SLC2A13: variants seen among roughly 807,000 people sequenced by gnomAD.
SLC2A13 encodes the protein proton myo-inositol cotransporter.
A neutral mutation model predicts 64.4 loss-of-function variants in SLC2A13; 32 were observed. That is an observed-to-expected ratio of 0.50 (90% CI 0.37 to 0.67). The LOEUF (loss-of-function observed/expected upper bound fraction) is 0.67. SLC2A13 is among the 30% of genes least tolerant of loss of function. The probability of loss-of-function intolerance (pLI) is 0.00; values close to 1 mark genes in which losing one functional copy is unlikely to be tolerated. For synonymous variants in SLC2A13, 338 were observed against 327.1 expected (o/e 1.03, Z -0.36); for missense variants, 743 against 829.2 (o/e 0.90, Z 1.28).
At chr12:39,857,185 C>G (rs1943631439) in intron 6 of SLC2A13, among the ~76,000 whole-genome samples, 1 of 152,174 alleles carries the variant, frequency 6.6e-6, no homozygotes, top group Admixed American at 6.5e-5. Context: ...ACCTCAGAAA[C>G]ACCTTTCTCA....
intron 1 of SLC2A13, among the ~76,000 whole-genome samples, chr12:40,100,403 A>C (rs959369477): frequency 4.6e-5 from 7 of 152,216 alleles, no homozygotes; most frequent in Non-Finnish European, 8.8e-5. Context: ...ACCAGGGAGA[A>C]AGGGCTAATG....
intron 2 of SLC2A13, among the ~76,000 whole-genome samples, chr12:40,037,785 A>G (rs11174854): frequency 0.031 from 4,657 of 152,288 alleles, 100 homozygotes; most frequent in Non-Finnish European, 0.048. Flanking sequence ...GCAAATGACC[A>G]TCCCATCTAA....
intron 1 of SLC2A13, among the ~76,000 whole-genome samples, chr12:40,098,475 TATAA>T (rs1256497863): frequency 6.6e-6 from 1 of 152,172 alleles, no homozygotes; most frequent in Non-Finnish European, 1.5e-5. Context: ...GGGTTAAGAG[TATAA>T]ATGTTATGTG....
At chr12:39,850,381 G>A (rs1424301021) in intron 6 of SLC2A13, among the ~76,000 whole-genome samples, 1 of 152,172 alleles carries the variant, frequency 6.6e-6, no homozygotes, top group African/African-American at 2.4e-5. Flanking sequence ...TTGCTCTGCA[G>A]TTGAACTGAG....
At chr12:39,775,075 A>G (rs1592125020) in intron 7 of SLC2A13, among the ~76,000 whole-genome samples, 4 of 152,222 alleles carry the variant, frequency 2.6e-5, no homozygotes, top group African/African-American at 9.6e-5. Context: ...AACCACTTAA[A>G]TGGGAAATTA....
In SLC2A13 at chr12:39,959,368, T is replaced by C. The variant is rs78089902; in HGVS notation, c.926-8003A>G. ...TTCCAAAATCCTCCAAGGCAATCAA[T>C]TTGCCAAGATGTTGTGATGGGCCAG... On this transcript the variant is annotated intron_variant, in intron 3 of 9. Coordinates refer to ENST00000280871, the MANE Select transcript of SLC2A13 (RefSeq NM_052885.4). Among the ~76,000 whole-genome samples the C allele has an allele frequency of 1.7e-3, 260 of 152,368 alleles. 3 individuals are homozygous for C. The East Asian group carries it at 0.035, about 20-fold the overall frequency.
chr12:40,050,823 T>A (rs1414846094), intron 1 of SLC2A13, among the ~76,000 whole-genome samples: 2 of 152,194 alleles, frequency 1.3e-5, no homozygotes, highest in African/African-American at 4.8e-5. Flanking sequence ...ATCAGCTGGT[T>A]AAGTTTGGAC....
chr12:39,888,039 C>G (rs1194536034), intron 4 of SLC2A13, among the ~76,000 whole-genome samples: 3 of 152,150 alleles, frequency 2.0e-5, no homozygotes, highest in African/African-American at 4.8e-5. Flanking sequence ...TTAGACTGAT[C>G]TGGCAGATAT....
chr12:40,009,371 A>G (rs1947481683), intron 3 of SLC2A13, among the ~76,000 whole-genome samples: 1 of 152,206 alleles, frequency 6.6e-6, no homozygotes, highest in South Asian at 2.1e-4. Context: ...AAACTGTTAG[A>G]TAATATCTAT....
At position 39,864,772 on chromosome 12, in the gene SLC2A13, T is replaced by C. The variant is rs759666478; in HGVS notation, c.1309A>G (p.Thr437Ala). Residue 437 changes from threonine to alanine, a missense_variant, in exon 6 of 10, where the codon ACA becomes GCA. Thr to Ala is a moderately conservative substitution (Grantham distance 58). Around this residue, in one of 2 missense-constraint regions of SLC2A13, gnomAD observed 295 missense variants for 381.7 expected, o/e 0.77. Coordinates refer to ENST00000280871, the MANE Select transcript of SLC2A13 (RefSeq NM_052885.4). ...ATAATGGAATCTCACCTGTATCTTG[T>C]GCAAGTGGCGTTCTGACCTGACGGA... The part of the protein sequence containing the change: ...IAPSGQNATC[T>A]RYSYCNECML... 5 of 1,613,996 alleles carry C rather than the reference T, an allele frequency of 3.1e-6. No individual in the cohort carries two copies. The highest frequency in any genetic ancestry group is 4.2e-6 in the Non-Finnish European group (5 of 1,179,934).
At chr12:40,064,995 GT>G (rs1159859956) in intron 1 of SLC2A13, among the ~76,000 whole-genome samples, 1 of 152,036 alleles carries the variant, frequency 6.6e-6, no homozygotes, top group Non-Finnish European at 1.5e-5. Flanking sequence ...AACAATCCCA[GT>G]TTTTTTATTT....
Position 39,759,769 on chromosome 12 carries a change from T to G in SLC2A13, c.*257A>C. On this transcript the variant is annotated 3_prime_UTR_variant, in exon 10 of 10. Transcript: ENST00000280871. ...GGTACAATATTCATTTTAGACTATT[T>G]CAGGAAGGCATTACACACATTTGCT... 2.4e-6 allele frequency: 1 copy of G among 412,070 alleles called. No homozygotes were observed. Among genetic ancestry groups the G allele is most frequent in the Non-Finnish European group, 4.4e-6 (1 of 229,712 alleles). 25.5% of individuals were successfully genotyped at this position (412,070 alleles called of 1,614,324 possible). A position where few individuals can be genotyped will look rare whatever the true frequency, so the allele number is the denominator to read the frequency against.
intron 9 of SLC2A13, among the ~76,000 whole-genome samples, chr12:39,762,050 G>A (rs1940172712): frequency 1.3e-5 from 2 of 151,982 alleles, no homozygotes; most frequent in Admixed American, 6.6e-5. Flanking sequence ...TAATATCAAG[G>A]AATTGCTATT....
chr12:40,077,780 T>C (rs1012069079), intron 1 of SLC2A13, among the ~76,000 whole-genome samples: 2 of 152,108 alleles, frequency 1.3e-5, no homozygotes, highest in Non-Finnish European at 2.9e-5. Context: ...TTCCTATCCA[T>C]GAACATGGAA....
chr12:39,935,207 T>C (rs1355270770), intron 4 of SLC2A13, among the ~76,000 whole-genome samples: 1 of 152,184 alleles, frequency 6.6e-6, no homozygotes, highest in East Asian at 1.9e-4. Context: ...CTGGGCAACA[T>C]AGCAAGACCC....
chr12:39,933,732 AAGG>A (rs1386926429), intron 4 of SLC2A13, among the ~76,000 whole-genome samples: 7 of 152,336 alleles, frequency 4.6e-5, no homozygotes, highest in African/African-American at 1.7e-4. Context: ...GTACAGATAA[AAGG>A]AGAATCAAAG....
rs563038607 is a variant in SLC2A13, at chr12:39,948,223, G to T, written c.1034+3034C>A. Among the ~76,000 whole-genome samples, 7 of 152,242 alleles carry T rather than the reference G, an allele frequency of 4.6e-5. No individual in the cohort carries two copies. In the East Asian group the frequency reaches 1.3e-3, roughly 29 times the overall value. On this transcript the variant is annotated intron_variant, in intron 4 of 9. Transcript: ENST00000280871. ...AAATTGCCTCATCTAAAAGTGAAAT[G>T]TAATGTCTGAAATATGTAAGTTTTA...
intron 4 of SLC2A13, among the ~76,000 whole-genome samples, chr12:39,937,917 C>T (rs1193775639): frequency 6.6e-6 from 1 of 152,114 alleles, no homozygotes; most frequent in African/African-American, 2.4e-5. Flanking sequence ...AAGTGAAGGG[C>T]ACTACTATAA....
intron 2 of SLC2A13, among the ~76,000 whole-genome samples, chr12:40,038,395 T>A (rs1211773358): frequency 6.6e-6 from 1 of 152,128 alleles, no homozygotes; most frequent in East Asian, 1.9e-4. Flanking sequence ...AACATTTATT[T>A]TATACCCCAG....
Sources: gnomAD v4.1 joint callset for allele counts (sites outside exome capture counted in the v4.1 genomes callset) on GRCh38, gnomAD v4.1.1 for gene constraint, gnomAD v4.1.1 regional missense constraint, MANE v1.5 for transcripts, NCBI Gene and HGNC (gene_info 2026-07-23, HGNC 2026-07-21) for gene names.